LARGE1: variants seen among roughly 807,000 people sequenced by gnomAD.
LARGE1 encodes the protein LARGE xylosyl- and glucuronyltransferase 1.
A neutral mutation model predicts 87.6 loss-of-function variants in LARGE1; 43 were observed. The ratio of observed to expected loss-of-function variants is 0.49; its 90% CI spans 0.38 to 0.63. The LOEUF is 0.63. Among genes scored for constraint, LARGE1 ranks in the 30% least tolerant of loss-of-function variants. The probability of loss-of-function intolerance (pLI) is 0.00; values close to 1 mark genes in which losing one functional copy is unlikely to be tolerated. For missense variants in LARGE1, 802 were observed against 1,000.2 expected (o/e 0.80, Z 2.67); for synonymous variants, 434 against 394.6 (o/e 1.10, Z -1.18).
chr22:33,066,907 C>T, the LARGE1 span, among the ~76,000 whole-genome samples: 1 of 152,110 alleles, frequency 6.6e-6, no homozygotes, highest in South Asian at 2.1e-4. Context: ...TGGCCACACA[C>T]CGGTACCTCC....
the LARGE1 span, among the ~76,000 whole-genome samples, chr22:33,108,045 T>C: frequency 3.3e-5 from 5 of 152,170 alleles, no homozygotes; most frequent in Non-Finnish European, 7.3e-5. Context: ...ATATTATATA[T>C]TCATAAAGCA....
At chr22:33,427,633 T>C (rs991560114) in intron 7 of LARGE1, among the ~76,000 whole-genome samples, 1 of 152,276 alleles carries the variant, frequency 6.6e-6, no homozygotes, top group Non-Finnish European at 1.5e-5. Flanking sequence ...CTGTGTTTGA[T>C]GTCTGCGGTT....
intron 6 of LARGE1, among the ~76,000 whole-genome samples, chr22:33,469,811 G>C (rs1289908692): frequency 1.5e-5 from 2 of 133,422 alleles, no homozygotes; most frequent in African/African-American, 5.7e-5. Flanking sequence ...CTGGGCGACA[G>C]AGTGAGACTC....
chr22:33,238,692 A>C (rs1926367380), intron 11 of LARGE1, among the ~76,000 whole-genome samples: 1 of 152,192 alleles, frequency 6.6e-6, no homozygotes, highest in Non-Finnish European at 1.5e-5. Context: ...AGCCACACTC[A>C]CTTGGTAACT....
intron 7 of LARGE1, among the ~76,000 whole-genome samples, chr22:33,393,823 C>T (rs2065619151): frequency 1.3e-5 from 2 of 152,252 alleles, no homozygotes; most frequent in Non-Finnish European, 1.5e-5. Context: ...ACTTTACCTA[C>T]AGCTGTTGTG....
Position 33,283,363 on chromosome 22 carries a change from C to G in LARGE1, c.1731-15G>C. The G allele has an allele frequency of 6.2e-7, 1 of 1,614,116 alleles. No individual in the cohort carries two copies. Among genetic ancestry groups the G allele is most frequent in the East Asian group, 2.2e-5 (1 of 44,882 alleles). On this transcript the variant is annotated splice_polypyrimidine_tract_variant and intron_variant, in intron 12 of 14. Coordinates refer to ENST00000397394, the MANE Select transcript of LARGE1 (RefSeq NM_133642.5). ...TGACAGACTTCCTGAAAAGAGGGGA[C>G]AGGCAGAGAGACAGAGTCCCTGTGA...
At chr22:33,171,825 T>C (rs1160674234) in intron 11 of LARGE1, among the ~76,000 whole-genome samples, 1 of 152,068 alleles carries the variant, frequency 6.6e-6, no homozygotes, top group Non-Finnish European at 1.5e-5. Flanking sequence ...AAATGTGGGG[T>C]TGGAGTCCCC....
intron 14 of LARGE1, among the ~76,000 whole-genome samples, chr22:33,276,582 A>G (rs1402990328): frequency 6.6e-6 from 1 of 152,238 alleles, no homozygotes; most frequent in Admixed American, 6.5e-5. Flanking sequence ...GGATGAATGA[A>G]GGAGTTCGTG....
rs139185335 is a variant in LARGE1 at position 33,265,300 on chromosome 22, C to T, written c.1730+38929G>A. Among the ~76,000 whole-genome samples the T allele has an allele frequency of 2.3e-3, 352 of 152,196 alleles. 4 individuals carry two copies. The highest frequency in any genetic ancestry group is 7.7e-3 in the African/African-American group (319 of 41,518). On this transcript the variant is annotated intron_variant, in intron 11 of 11. Transcript: ENST00000608642. ...GTCAGTTTAGCAAGAACCAAGCAACCCTTGATGTGTCCTCTGAATAATTTT... is the reference window on the plus strand; with the variant it reads ...GTCAGTTTAGCAAGAACCAAGCAACTCTTGATGTGTCCTCTGAATAATTTT...
At chr22:33,658,617 C>T (rs2081036462) in intron 2 of LARGE1, among the ~76,000 whole-genome samples, 1 of 152,172 alleles carries the variant, frequency 6.6e-6, no homozygotes, top group Non-Finnish European at 1.5e-5. Context: ...AGGACATTGT[C>T]TCATTCCTTT....
chr22:33,861,966 C>A (rs1034794637), intron 1 of LARGE1, among the ~76,000 whole-genome samples: 36 of 146,256 alleles, frequency 2.5e-4, no homozygotes, highest in African/African-American at 8.4e-4. Context: ...TCAAGCAATT[C>A]TCATGCCTCA....
chr22:33,899,966 T>A, intron 1 of LARGE1, among the ~76,000 whole-genome samples: 1 of 152,220 alleles, frequency 6.6e-6, no homozygotes, highest in East Asian at 1.9e-4. Flanking sequence ...GGCTTATTTG[T>A]TTTGTAGCTT....
the LARGE1 span, among the ~76,000 whole-genome samples, chr22:33,128,957 A>G: frequency 2.0e-5 from 3 of 152,318 alleles, no homozygotes; most frequent in South Asian, 4.1e-4. Context: ...GGAGAACATC[A>G]GGAAAAATAG....
chr22:33,872,095 G>C (rs1255510660), intron 1 of LARGE1, among the ~76,000 whole-genome samples: 1 of 151,710 alleles, frequency 6.6e-6, no homozygotes, highest in Non-Finnish European at 1.5e-5. Flanking sequence ...ACCTAAAATA[G>C]AGCATGCTCT....
At chr22:33,365,511 T>C (rs897680970) in intron 9 of LARGE1, among the ~76,000 whole-genome samples, 1 of 152,242 alleles carries the variant, frequency 6.6e-6, no homozygotes, top group African/African-American at 2.4e-5. Context: ...AAAGGACTGT[T>C]TACATGTTTT....
At position 33,865,832 on chromosome 22, in the gene LARGE1, C is replaced by CTTTTTTTTTTTTTTTTTTTTTTTTTTTT. The variant is rs3072359; in HGVS notation, c.-83+54135_-83+54162dup. Among the ~76,000 whole-genome samples, 4 of 28,392 alleles carry CTTTTTTTTTTTTTTTTTTTTTTTTTTTT rather than the reference C, an allele frequency of 1.4e-4. 1 individual carries two copies. The highest frequency in any genetic ancestry group is 4.3e-4 in the African/African-American group (4 of 9,348). The allele number at this position is 28,392 out of a possible 152,430, so 18.6% of individuals were successfully genotyped here. A position where few individuals can be genotyped will look rare whatever the true frequency, so the allele number is the denominator to read the frequency against. ...TAAGCATTCAATGTTAGCTGTTATT[C>CTTTTTTTTTTTTTTTTTTTTTTTTTTTT]TTTTTTTTTTTTTTTTTTTTTTTTT... On this transcript the variant is annotated intron_variant, in intron 1 of 14. Coordinates refer to ENST00000397394, the MANE Select transcript of LARGE1 (RefSeq NM_133642.5).
intron 2 of LARGE1, among the ~76,000 whole-genome samples, chr22:33,752,867 T>C (rs1372745535): frequency 6.6e-6 from 1 of 152,202 alleles, no homozygotes; most frequent in Non-Finnish European, 1.5e-5. Context: ...GCCAGTACCA[T>C]TAAATTAAGG....
intron 6 of LARGE1, among the ~76,000 whole-genome samples, chr22:33,454,455 T>C (rs752800844): frequency 4.0e-5 from 6 of 151,448 alleles, no homozygotes; most frequent in Non-Finnish European, 8.8e-5. Context: ...CCGTCTCTAC[T>C]GAAAAAACAA....
chr22:33,561,128 A>G (rs548348126), intron 6 of LARGE1, among the ~76,000 whole-genome samples: 22 of 152,328 alleles, frequency 1.4e-4, no homozygotes, highest in African/African-American at 5.3e-4. Context: ...TCAAGTGTGC[A>G]AAGCTTCTAG....
Sources: gnomAD v4.1 joint callset for allele counts (sites outside exome capture counted in the v4.1 genomes callset) on GRCh38, gnomAD v4.1.1 for gene constraint, MANE v1.5 for transcripts, NCBI Gene and HGNC (gene_info 2026-07-23, HGNC 2026-07-21) for gene names.